The following FAF1 variants were observed in gnomAD, a reference collection of about 807,000 sequenced individuals.
FAF1 encodes Fas associated factor 1, also known as FAS-associated factor 1.
FAF1 carries 25 observed loss-of-function variants against 92.5 expected under a neutral mutation model. The ratio of observed to expected loss-of-function variants is 0.27; its 90% CI spans 0.20 to 0.38. FAF1 has a LOEUF of 0.38. FAF1 is among the 10% of genes least tolerant of loss of function. FAF1 has a pLI of 1.00. For synonymous variants in FAF1, 234 were observed against 273.2 expected (o/e 0.86, Z 1.42); for missense variants, 636 against 793.3 (o/e 0.80, Z 2.38).
intron 7 of FAF1, among the ~76,000 whole-genome samples, chr1:50,665,242 G>A (rs1655568087): frequency 6.6e-6 from 1 of 152,078 alleles, no homozygotes; most frequent in Non-Finnish European, 1.5e-5. Context: ...TTAAAGATTG[G>A]ACACATGAAT....
intron 8 of FAF1, among the ~76,000 whole-genome samples, chr1:50,640,686 G>C (rs554798466): frequency 1.3e-5 from 2 of 151,818 alleles, no homozygotes; most frequent in African/African-American, 4.8e-5. Flanking sequence ...AGAATTTATC[G>C]GCCCAAAGTC....
chr1:50,733,634 A>G (rs1411864530), intron 6 of FAF1, among the ~76,000 whole-genome samples: 1 of 152,198 alleles, frequency 6.6e-6, no homozygotes, highest in Non-Finnish European at 1.5e-5. Flanking sequence ...TCTCTCTGCC[A>G]TATGAGGACA....
At chr1:50,699,718 CTTCCT>C (rs1569792354) in intron 7 of FAF1, among the ~76,000 whole-genome samples, 1 of 152,072 alleles carries the variant, frequency 6.6e-6, no homozygotes, top group East Asian at 1.9e-4. Context: ...TAGAATGAGC[CTTCCT>C]TTTCTTTTGA....
intron 1 of FAF1, among the ~76,000 whole-genome samples, chr1:50,911,922 A>T (rs1644888872): frequency 6.6e-6 from 1 of 151,962 alleles, no homozygotes; most frequent in Non-Finnish European, 1.5e-5. Flanking sequence ...CTGTAGTCCC[A>T]GCTACTCAGG....
intron 13 of FAF1, among the ~76,000 whole-genome samples, chr1:50,541,703 T>C (rs1648766280): frequency 6.6e-6 from 1 of 151,338 alleles, no homozygotes; most frequent in African/African-American, 2.4e-5. Context: ...GTACTAGTAC[T>C]AGCTAAACAG....
rs142201244 is a variant in FAF1 at position 50,637,681 on chromosome 1, ATGTG to A, written c.744+17757_744+17760del. On this transcript the variant is annotated intron_variant, in intron 8 of 18. Coordinates refer to ENST00000396153, the MANE Select transcript of FAF1 (RefSeq NM_007051.3). ...CACTCTGTGGCTCACACATATATAT[ATGTG>A]TGTGTGTGTGTGTGTGTGTGTGTGT... is the stretch of plus-strand genomic sequence containing the variant. 1.6e-3 allele frequency among the ~76,000 whole-genome samples: 222 copies of A among 137,132 alleles called. 1 individual carries two copies. Among genetic ancestry groups the A allele is most frequent in the South Asian group, 3.6e-3 (15 of 4,132 alleles). The allele number at this position is 137,132 out of a possible 152,430, so 90.0% of individuals were successfully genotyped here.
chr1:50,484,367 GAAT>G (rs1464079958), intron 17 of FAF1, among the ~76,000 whole-genome samples: 25 of 152,290 alleles, frequency 1.6e-4, no homozygotes, highest in African/African-American at 5.3e-4. Flanking sequence ...CATGAAGCTA[GAAT>G]TTCTGGACTG....
chr1:50,571,894 T>A (rs552283023), intron 12 of FAF1, among the ~76,000 whole-genome samples: 1 of 152,294 alleles, frequency 6.6e-6, no homozygotes, highest in South Asian at 2.1e-4. Context: ...AAAGAAAGGG[T>A]TGTATTTTGA....
intron 15 of FAF1, among the ~76,000 whole-genome samples, chr1:50,498,344 G>T (rs900606818): frequency 2.0e-5 from 3 of 152,088 alleles, no homozygotes; most frequent in Non-Finnish European, 4.4e-5. Context: ...CATGACCATG[G>T]ATTAGGCAAT....
chr1:50,925,524 C>T (rs934697297), intron 1 of FAF1, among the ~76,000 whole-genome samples: 4 of 150,900 alleles, frequency 2.7e-5, no homozygotes, highest in South Asian at 4.2e-4. Flanking sequence ...ATTTCTCAAA[C>T]GAAGACATAG....
At chr1:50,560,052 GA>G (rs1175055986) in intron 13 of FAF1, among the ~76,000 whole-genome samples, 8 of 152,130 alleles carry the variant, frequency 5.3e-5, no homozygotes, top group African/African-American at 1.9e-4. Context: ...GTAGCAGCTG[GA>G]AATTAATACT....
chr1:50,846,029 T>G (rs1222631336), intron 2 of FAF1, among the ~76,000 whole-genome samples: 4 of 151,330 alleles, frequency 2.6e-5, no homozygotes, highest in African/African-American at 9.7e-5. Flanking sequence ...GAGGCTGAGG[T>G]AGGAGAATCA....
intron 9 of FAF1, among the ~76,000 whole-genome samples, chr1:50,593,943 A>G (rs772790322): frequency 6.6e-6 from 1 of 152,230 alleles, no homozygotes; most frequent in Non-Finnish European, 1.5e-5. Context: ...CATTTTGTAT[A>G]GAATGTAAAT....
intron 18 of FAF1, chr1:50,451,903 G>A (rs746901636): frequency 6.3e-5 from 68 of 1,084,914 alleles, no homozygotes; most frequent in Non-Finnish European, 7.5e-5. Context: ...ATGTTAAAAT[G>A]GTCTCAAACT....
intron 8 of FAF1, among the ~76,000 whole-genome samples, chr1:50,608,568 G>A (rs559136837): frequency 6.6e-6 from 1 of 152,250 alleles, no homozygotes; most frequent in Admixed American, 6.5e-5. Context: ...TGAGTACAAC[G>A]GATGAGGGGA....
chr1:50,858,471 C>G (rs998386839), intron 1 of FAF1, among the ~76,000 whole-genome samples: 14 of 151,798 alleles, frequency 9.2e-5, no homozygotes, highest in Non-Finnish European at 2.1e-4. Flanking sequence ...CTGGTAGCTG[C>G]TAGACACATG....
At chr1:50,732,889 ACTT>A (rs765156262) in intron 6 of FAF1, among the ~76,000 whole-genome samples, 28 of 145,290 alleles carry the variant, frequency 1.9e-4, no homozygotes, top group Non-Finnish European at 3.6e-4. Flanking sequence ...CAGGTTATTT[ACTT>A]CTTTTTTTTT....
intron 6 of FAF1, among the ~76,000 whole-genome samples, chr1:50,726,108 T>C (rs554164564): frequency 6.6e-6 from 1 of 151,782 alleles, no homozygotes; most frequent in Non-Finnish European, 1.5e-5. Flanking sequence ...CAAAAATAGT[T>C]AGCCAGGCAC....
intron 7 of FAF1, among the ~76,000 whole-genome samples, chr1:50,664,006 T>G (rs34364972): frequency 0.063 from 9,462 of 149,654 alleles, 437 homozygotes; most frequent in Non-Finnish European, 0.098. Context: ...ATCTTTTTTT[T>G]TTTTTTTTTT....
Sources: allele counts gnomAD v4.1 joint callset (sites outside exome capture counted in the v4.1 genomes callset), GRCh38; gene constraint gnomAD v4.1.1; transcripts MANE v1.5; gene names NCBI Gene and HGNC (gene_info 2026-07-23, HGNC 2026-07-21).